The following NRXN3 variants were observed in gnomAD, a reference collection of about 807,000 sequenced individuals.
The protein encoded by NRXN3 is neurexin 3.
NRXN3 carries 32 observed loss-of-function variants against 137.6 expected under a neutral mutation model. The observed-to-expected ratio is 0.23, with a 90% CI of 0.18 to 0.31. The LOEUF (loss-of-function observed/expected upper bound fraction) is 0.31. Among genes scored for constraint, NRXN3 ranks in the 10% least tolerant of loss-of-function variants. The pLI is 1.00. For missense variants in NRXN3, 1,574 were observed against 2,062.5 expected (o/e 0.76, Z 4.59); for synonymous variants, 798 against 784.5 (o/e 1.02, Z -0.29).
chr14:79,222,395 A>G (rs1160146372), intron 15 of NRXN3, among the ~76,000 whole-genome samples: 2 of 152,098 alleles, frequency 1.3e-5, no homozygotes, highest in Non-Finnish European at 2.9e-5. Context: ...CCTTGTCTGG[A>G]TGTACCACAG....
At chr14:79,244,334 T>C (rs543594324) in intron 15 of NRXN3, among the ~76,000 whole-genome samples, 31 of 152,316 alleles carry the variant, frequency 2.0e-4, no homozygotes, top group African/African-American at 7.2e-4. Flanking sequence ...TGCCGATTTG[T>C]GCTTTTCAGA....
rs942021659 is a variant in NRXN3, at chr14:78,780,417, G to GA, written c.2045-23197dup. On this transcript the variant is annotated intron_variant, in intron 8 of 20. Coordinates refer to ENST00000335750, the MANE Select transcript of NRXN3 (RefSeq NM_001330195.2). ...ATGGGAAAGATTTCTTAAAAGAAGG[G>GA]AAAAAAGCATAGATCATTAAAAAAA... is the stretch of plus-strand genomic sequence containing the variant. Among the ~76,000 whole-genome samples the GA allele has an allele frequency of 4.4e-4, 67 of 151,748 alleles. 1 individual carries two copies. Among genetic ancestry groups the GA allele is most frequent in the African/African-American group, 1.6e-3 (65 of 41,420 alleles).
chr14:79,743,435 T>C (rs1215844097), intron 19 of NRXN3, among the ~76,000 whole-genome samples: 1 of 152,184 alleles, frequency 6.6e-6, no homozygotes, highest in Non-Finnish European at 1.5e-5. Flanking sequence ...GGAATGTATA[T>C]TTCAAAATAA....
chr14:79,500,201 A>G (rs2096808457), intron 16 of NRXN3, among the ~76,000 whole-genome samples: 1 of 131,546 alleles, frequency 7.6e-6, no homozygotes, highest in Non-Finnish European at 1.6e-5. Context: ...CCTAAATCTG[A>G]GTTTTAGCAT....
intron 4 of NRXN3, among the ~76,000 whole-genome samples, chr14:78,526,133 A>G (rs2096375191): frequency 6.6e-6 from 1 of 152,208 alleles, no homozygotes; most frequent in African/African-American, 2.4e-5. Flanking sequence ...CTTAGTTGAA[A>G]GCCTTGAACA....
intron 19 of NRXN3, among the ~76,000 whole-genome samples, chr14:79,711,845 A>G (rs1282803390): frequency 1.3e-5 from 2 of 152,160 alleles, no homozygotes; most frequent in Admixed American, 6.5e-5. Flanking sequence ...CCAATTAATG[A>G]TGGATGATGG....
chr14:79,274,469 T>C (rs1162432364), intron 15 of NRXN3, among the ~76,000 whole-genome samples: 4 of 152,214 alleles, frequency 2.6e-5, no homozygotes, highest in Non-Finnish European at 4.4e-5. Flanking sequence ...GAGATTTCCA[T>C]GGTGCTGAGG....
At chr14:79,345,783 T>C (rs147740081) in intron 15 of NRXN3, among the ~76,000 whole-genome samples, 79 of 152,294 alleles carry the variant, frequency 5.2e-4, no homozygotes, top group African/African-American at 1.5e-3. Flanking sequence ...TCTGCCATGA[T>C]TGAAAGTTTT....
intron 19 of NRXN3, among the ~76,000 whole-genome samples, chr14:79,706,952 T>A (rs2098782715): frequency 6.6e-6 from 1 of 152,124 alleles, no homozygotes. Context: ...ACTCTTAACC[T>A]GTCTATTCTC....
chr14:79,520,177 C>A (rs1419352999), intron 16 of NRXN3, among the ~76,000 whole-genome samples: 1 of 152,120 alleles, frequency 6.6e-6, no homozygotes, highest in Non-Finnish European at 1.5e-5. Flanking sequence ...CTGAATACCA[C>A]TTTCTCTGAT....
intron 4 of NRXN3, among the ~76,000 whole-genome samples, chr14:78,508,272 G>A (rs1271974978): frequency 6.6e-6 from 1 of 152,182 alleles, no homozygotes; most frequent in Non-Finnish European, 1.5e-5. Flanking sequence ...ATCTGGTGAT[G>A]TATCGCATAC....
chr14:78,424,633 A>G (rs1294101197), intron 4 of NRXN3, among the ~76,000 whole-genome samples: 3 of 152,244 alleles, frequency 2.0e-5, no homozygotes, highest in African/African-American at 7.2e-5. Context: ...AAAGCAAAGT[A>G]TCTGGGCTGA....
At chr14:79,496,646 G>A (rs911555920) in intron 16 of NRXN3, among the ~76,000 whole-genome samples, 4 of 152,232 alleles carry the variant, frequency 2.6e-5, no homozygotes, top group East Asian at 1.9e-4. Flanking sequence ...TGGGCCTAAT[G>A]AGCAGTGTTC....
At chr14:79,179,226 C>A (rs973519097) in intron 15 of NRXN3, among the ~76,000 whole-genome samples, 3 of 152,082 alleles carry the variant, frequency 2.0e-5, no homozygotes, top group African/African-American at 7.2e-5. Context: ...TAGACATATA[C>A]AAAGAGCAAG....
intron 10 of NRXN3, among the ~76,000 whole-genome samples, chr14:78,811,390 TG>T (rs1166003955): frequency 6.6e-6 from 1 of 151,768 alleles, no homozygotes; most frequent in African/African-American, 2.4e-5. Flanking sequence ...AGAGAGAGCT[TG>T]GGTGGTTGTG....
At chr14:78,605,188 C>A (rs1449705085) in intron 4 of NRXN3, among the ~76,000 whole-genome samples, 4 of 152,194 alleles carry the variant, frequency 2.6e-5, no homozygotes, top group African/African-American at 9.7e-5. Context: ...CATCTTCCCT[C>A]AGGCTCAAGA....
intron 8 of NRXN3, among the ~76,000 whole-genome samples, chr14:78,775,726 C>T (rs980864515): frequency 7.2e-5 from 11 of 152,138 alleles, no homozygotes; most frequent in Non-Finnish European, 1.6e-4. Flanking sequence ...ATGTTCCTTT[C>T]TTTAGGTATT....
chr14:78,173,264 A>G (rs1322757072), intron 1 of NRXN3, among the ~76,000 whole-genome samples: 4 of 151,812 alleles, frequency 2.6e-5, no homozygotes, highest in African/African-American at 7.3e-5. Flanking sequence ...TCCATTATCT[A>G]TAAAAACACA....
chr14:78,634,694 G>T (rs970411432), intron 4 of NRXN3, among the ~76,000 whole-genome samples: 5 of 152,000 alleles, frequency 3.3e-5, no homozygotes, highest in African/African-American at 1.2e-4. Context: ...ATACCTTCCT[G>T]GTTCCATTTA....
Sources: allele counts gnomAD v4.1 joint callset (sites outside exome capture counted in the v4.1 genomes callset), GRCh38; gene constraint gnomAD v4.1.1; transcripts MANE v1.5; gene names NCBI Gene and HGNC (gene_info 2026-07-23, HGNC 2026-07-21).